TG: variants seen among roughly 807,000 people sequenced by gnomAD.
TG encodes thyroglobulin.
A neutral mutation model predicts 324.7 loss-of-function variants in TG; 270 were observed. The observed-to-expected ratio is 0.83, with a 90% CI of 0.75 to 0.92. The LOEUF is 0.92. TG is among the 40% of genes least tolerant of loss of function. The pLI, the probability that TG is intolerant of heterozygous loss-of-function variation, is 0.00. For synonymous variants in TG, 1,401 were observed against 1,327.0 expected, an observed-to-expected ratio of 1.06 and a Z score of -1.21; for missense variants, 3,591 against 3,456.4, an observed-to-expected ratio of 1.04 and a Z score of -0.98.
At chr8:133,038,291 A>G in intron 41 of TG, 1 of 569,086 alleles carries the variant, frequency 1.8e-6, no homozygotes, top group Non-Finnish European at 3.1e-6. Flanking sequence ...ATCGCCCGAC[A>G]TGTCATGATC....
intron 16 of TG, among the ~76,000 whole-genome samples, chr8:132,902,347 T>C (rs1207851526): frequency 1.3e-5 from 2 of 152,164 alleles, no homozygotes; most frequent in Admixed American, 6.5e-5. Flanking sequence ...GGAAATTTAA[T>C]TGGGTCTAGT....
chr8:133,027,890 A>G (rs1033997332), intron 40 of TG, among the ~76,000 whole-genome samples: 1 of 152,126 alleles, frequency 6.6e-6, no homozygotes, highest in African/African-American at 2.4e-5. Flanking sequence ...TTGGACCGTA[A>G]TTGCTTGGTA....
intron 2 of TG, 128 bp from the exon 3 acceptor site, chr8:132,869,601 C>T (rs1839286770): frequency 3.7e-6 from 3 of 817,650 alleles, no homozygotes; most frequent in South Asian, 1.5e-5. Flanking sequence ...CCACTCCACT[C>T]TCTCCCTAAT....
At chr8:132,937,557 G>A (rs112961550) in intron 25 of TG, among the ~76,000 whole-genome samples, 2,949 of 151,414 alleles carry the variant, frequency 0.019, 92 homozygotes, top group African/African-American at 0.069. Context: ...CTAGTGACCA[G>A]GGTCACTAGA....
intron 25 of TG, among the ~76,000 whole-genome samples, chr8:132,940,598 G>A (rs967124635): frequency 6.6e-6 from 1 of 152,234 alleles, no homozygotes; most frequent in African/African-American, 2.4e-5. Context: ...GTAGCTTGAT[G>A]GGGAGGGTGT....
intron 41 of TG, among the ~76,000 whole-genome samples, chr8:133,045,804 G>A (rs545844205): frequency 6.6e-6 from 1 of 152,224 alleles, no homozygotes; most frequent in Admixed American, 6.5e-5. Context: ...ATCCATGGTC[G>A]TTTTTGGACT....
intron 41 of TG, chr8:133,036,841 A>G (rs1361991100): frequency 2.0e-5 from 3 of 152,602 alleles, no homozygotes; most frequent in African/African-American, 7.2e-5. Flanking sequence ...AAATGTTCCA[A>G]TCACATTCGT....
At chr8:133,014,148 C>T (rs1456610885) in intron 37 of TG, among the ~76,000 whole-genome samples, 2 of 152,134 alleles carry the variant, frequency 1.3e-5, no homozygotes, top group African/African-American at 4.8e-5. Flanking sequence ...GGCTGTAGCC[C>T]AGATAATTTA....
At chr8:132,943,828 G>A (rs746608344) in intron 26 of TG, among the ~76,000 whole-genome samples, 23 of 152,102 alleles carry the variant, frequency 1.5e-4, no homozygotes, top group Non-Finnish European at 2.8e-4. Context: ...ACTATTTCCT[G>A]CTGTCCAGTT....
intron 41 of TG, chr8:133,049,149 C>A: frequency 2.2e-6 from 1 of 456,396 alleles, no homozygotes; most frequent in Non-Finnish European, 4.4e-6. Flanking sequence ...GGCTCCAAAG[C>A]CACCCAGGAG....
chr8:132,941,902 T>C lies in TG; in HGVS notation c.5233+360T>C, dbSNP rs190115990. Reference sequence around the variant, plus strand: ...GAGCCAGGATTTGACCCAAGTTGTGTCTTCCACAGCACCTTACTGTCACTT... The same window carrying C: ...GAGCCAGGATTTGACCCAAGTTGTGCCTTCCACAGCACCTTACTGTCACTT... On this transcript the variant is annotated intron_variant, in intron 26 of 47. Transcript: ENST00000220616. Among the ~76,000 whole-genome samples, 24 of 152,318 alleles carry C rather than the reference T, an allele frequency of 1.6e-4. No individual in the cohort carries two copies. The East Asian group carries it at 2.1e-3, about 13-fold the overall frequency.
intron 41 of TG, among the ~76,000 whole-genome samples, chr8:133,040,968 C>T (rs918079541): frequency 6.6e-6 from 1 of 152,190 alleles, no homozygotes; most frequent in Admixed American, 6.5e-5. Context: ...TCTCAGGATC[C>T]CCCATCTTTC....
At chr8:132,960,096 A>G (rs1257114206) in intron 27 of TG, among the ~76,000 whole-genome samples, 2 of 152,196 alleles carry the variant, frequency 1.3e-5, no homozygotes, top group Non-Finnish European at 2.9e-5. Flanking sequence ...AGGGCTTAAA[A>G]CCTGGATGAC....
chr8:133,075,535 G>T (rs1174746706), intron 41 of TG, among the ~76,000 whole-genome samples: 2 of 152,236 alleles, frequency 1.3e-5, no homozygotes, highest in Non-Finnish European at 2.9e-5. Flanking sequence ...CCAGTCTTAA[G>T]TTTCTTGGAC....
At chr8:133,072,153 C>T (rs191613004) in intron 41 of TG, among the ~76,000 whole-genome samples, 8 of 152,306 alleles carry the variant, frequency 5.3e-5, no homozygotes, top group Non-Finnish European at 1.0e-4. Flanking sequence ...CCAAGTCCTC[C>T]AGCCCTGGTT....
chr8:132,962,164 G>C (rs1441185842), intron 28 of TG, among the ~76,000 whole-genome samples: 5 of 152,066 alleles, frequency 3.3e-5, no homozygotes, highest in Admixed American at 3.3e-4. Context: ...AGAAAAGGAG[G>C]GGGAGGAGAA....
At chr8:132,905,610 A>G (rs1300190628) in intron 16 of TG, among the ~76,000 whole-genome samples, 1 of 152,094 alleles carries the variant, frequency 6.6e-6, no homozygotes, top group Non-Finnish European at 1.5e-5. Flanking sequence ...TTTCCCATTT[A>G]CTTAACTCAT....
chr8:132,999,162 C>T (rs890111412), intron 35 of TG, among the ~76,000 whole-genome samples: 2 of 152,028 alleles, frequency 1.3e-5, no homozygotes, highest in Admixed American at 6.5e-5. Context: ...AGTGCAACAA[C>T]GTGAGTTGGT....
At chr8:132,918,118 G>T (rs1820628935) in intron 20 of TG, among the ~76,000 whole-genome samples, 1 of 152,030 alleles carries the variant, frequency 6.6e-6, no homozygotes, top group South Asian at 2.1e-4. Context: ...GTGCTCTTTT[G>T]GGTGGAAAAG....
Sources: allele counts gnomAD v4.1 joint callset (sites outside exome capture counted in the v4.1 genomes callset), GRCh38; gene constraint gnomAD v4.1.1; transcripts MANE v1.5; gene names NCBI Gene and HGNC (gene_info 2026-07-23, HGNC 2026-07-21).